The following RIMS2 variants were observed in gnomAD, a reference collection of about 807,000 sequenced individuals.
RIMS2 encodes regulating synaptic membrane exocytosis protein 2.
Under a neutral mutation model 174.4 loss-of-function variants are expected in RIMS2, and 59 were observed. That is an observed-to-expected ratio of 0.34 (90% CI 0.27 to 0.42). The LOEUF (loss-of-function observed/expected upper bound fraction) is 0.42. Among genes scored for constraint, RIMS2 ranks in the 10% least tolerant of loss-of-function variants. The probability of loss-of-function intolerance (pLI) is 1.00; values close to 1 mark genes in which losing one functional copy is unlikely to be tolerated. For missense variants in RIMS2, 1,620 were observed against 1,666.3 expected (o/e 0.97, Z 0.48); for synonymous variants, 606 against 572.5 (o/e 1.06, Z -0.84).
At chr8:103,948,439 T>G (rs11777910) in intron 14 of RIMS2, among the ~76,000 whole-genome samples, 19,318 of 152,260 alleles carry the variant, frequency 0.13, 1,698 homozygotes, top group Non-Finnish European at 0.19. Flanking sequence ...TTCATCAACC[T>G]GTGAATGGAT....
chr8:103,910,114 C>A, intron 4 of RIMS2: 3 of 1,555,800 alleles, frequency 1.9e-6, no homozygotes, highest in Non-Finnish European at 2.6e-6. Flanking sequence ...TTACTGCACT[C>A]TTTTGTCTGA....
At chr8:104,137,614 A>G (rs550959011) in intron 19 of RIMS2, among the ~76,000 whole-genome samples, 7 of 152,310 alleles carry the variant, frequency 4.6e-5, no homozygotes, top group Non-Finnish European at 8.8e-5. Flanking sequence ...GTATATAATC[A>G]ATAGAAGATA....
chr8:104,169,600 C>CT (rs1166350064), intron 19 of RIMS2, among the ~76,000 whole-genome samples: 1 of 151,700 alleles, frequency 6.6e-6, no homozygotes, highest in African/African-American at 2.4e-5. Flanking sequence ...CGCTAATGGT[C>CT]TATCAATTTT....
chr8:104,105,312 C>T (rs1298339672), intron 19 of RIMS2, among the ~76,000 whole-genome samples: 1 of 152,008 alleles, frequency 6.6e-6, no homozygotes, highest in African/African-American at 2.4e-5. Flanking sequence ...ATCAACTAGC[C>T]AGAAATATTA....
chr8:103,515,121 TG>T (rs1413141622), intron 1 of RIMS2, among the ~76,000 whole-genome samples: 2 of 152,166 alleles, frequency 1.3e-5, no homozygotes, highest in Admixed American at 1.3e-4. Flanking sequence ...ATAATGAGAA[TG>T]GTATTCTAAT....
intron 16 of RIMS2, among the ~76,000 whole-genome samples, chr8:103,979,967 G>A (rs2093755198): frequency 6.6e-6 from 1 of 152,126 alleles, no homozygotes; most frequent in Non-Finnish European, 1.5e-5. Flanking sequence ...CGCCACAGTG[G>A]GACAAAGTGC....
intron 3 of RIMS2, among the ~76,000 whole-genome samples, chr8:103,862,540 A>C (rs2099064243): frequency 6.6e-6 from 1 of 151,646 alleles, no homozygotes; most frequent in African/African-American, 2.4e-5. Context: ...AATTACATTG[A>C]GTCTGTAGCT....
intron 19 of RIMS2, among the ~76,000 whole-genome samples, chr8:104,086,063 A>G (rs932688141): frequency 6.6e-6 from 1 of 152,100 alleles, no homozygotes; most frequent in African/African-American, 2.4e-5. Context: ...TTGAGAAAAT[A>G]TAATTTAAAA....
chr8:103,529,200 A>T (rs1433122587), intron 1 of RIMS2, among the ~76,000 whole-genome samples: 1 of 151,880 alleles, frequency 6.6e-6, no homozygotes, highest in African/African-American at 2.4e-5. Context: ...TTTGTCTGTT[A>T]TTGGTGTATA....
chr8:103,973,354 C>A (rs2093097864), intron 15 of RIMS2, among the ~76,000 whole-genome samples: 1 of 152,014 alleles, frequency 6.6e-6, no homozygotes, highest in Admixed American at 6.6e-5. Flanking sequence ...AAACCTTGTG[C>A]TGTGCATAAT....
At chr8:103,774,914 AAGG>A (rs2098296391) in intron 3 of RIMS2, among the ~76,000 whole-genome samples, 1 of 152,140 alleles carries the variant, frequency 6.6e-6, no homozygotes, top group Admixed American at 6.5e-5. Context: ...TAAAAAATTA[AAGG>A]AGAATTATGT....
chr8:103,621,356 C>T (rs563016201), intron 1 of RIMS2, among the ~76,000 whole-genome samples: 7 of 152,184 alleles, frequency 4.6e-5, no homozygotes, highest in East Asian at 3.9e-4. Flanking sequence ...GTATTTGTCC[C>T]GATTGGTTAG....
At chr8:103,666,756 A>G (rs971357531) in intron 1 of RIMS2, among the ~76,000 whole-genome samples, 1 of 152,130 alleles carries the variant, frequency 6.6e-6, no homozygotes, top group Admixed American at 6.5e-5. Context: ...ATGACCTCCC[A>G]TAATTTTGTT....
At chr8:104,248,799 C>A in exon 21 of RIMS2, 1 of 1,573,896 alleles carries the variant, frequency 6.4e-7, no homozygotes, top group Non-Finnish European at 8.7e-7. Context: ...CAGACTCTGG[C>A]AACACCTGCA....
chr8:103,787,916 C>T (rs1459785009), intron 3 of RIMS2, among the ~76,000 whole-genome samples: 7 of 152,056 alleles, frequency 4.6e-5, no homozygotes, highest in South Asian at 4.2e-4. Flanking sequence ...ACCAATCAGA[C>T]GTAGATTTGG....
At chr8:104,243,547 A>G (rs946993306) in intron 19 of RIMS2, among the ~76,000 whole-genome samples, 9 of 152,074 alleles carry the variant, frequency 5.9e-5, no homozygotes, top group Admixed American at 3.9e-4. Context: ...TTAGAAGGGC[A>G]TGGTGGTGGT....
At chr8:103,690,981 G>T (rs2137065315) in intron 1 of RIMS2, among the ~76,000 whole-genome samples, 1 of 152,250 alleles carries the variant, frequency 6.6e-6, no homozygotes, top group East Asian at 1.9e-4. Flanking sequence ...ACTATTCTAG[G>T]ATAAAAGTTG....
chr8:103,881,017 T>C (rs571973853), intron 3 of RIMS2, among the ~76,000 whole-genome samples: 4 of 151,484 alleles, frequency 2.6e-5, no homozygotes, highest in Non-Finnish European at 4.4e-5. Flanking sequence ...CAAGTAGGTA[T>C]TTTTTCAGGT....
At position 103,684,544 on chromosome 8, in the gene RIMS2, ATTTTATTTTATTTTATTTT is replaced by A. The variant is rs1215845606; in HGVS notation, c.177-12541_177-12523del. ...CTACTTTCTGGTTCATACTTTTTTT[ATTTTATTTTATTTTATTTT>A]ATTTTATTTTATTTTATTTTATTTT... On this transcript the variant is annotated intron_variant, in intron 1 of 23. Transcript: ENST00000504942. Among the ~76,000 whole-genome samples, 3 of 13,002 alleles carry A rather than the reference ATTTTATTTTATTTTATTTT, an allele frequency of 2.3e-4. No individual in the cohort carries two copies. The Admixed American group carries it at 4.0e-3, about 17-fold the overall frequency. 8.5% of individuals were successfully genotyped at this position (13,002 alleles called of 152,430 possible).
Sources: gnomAD v4.1 joint callset for allele counts (sites outside exome capture counted in the v4.1 genomes callset) on GRCh38, gnomAD v4.1.1 for gene constraint, MANE v1.5 for transcripts, NCBI Gene and HGNC (gene_info 2026-07-23, HGNC 2026-07-21) for gene names.